FRMD5: variants seen among roughly 807,000 people sequenced by gnomAD.
The protein encoded by FRMD5 is FERM domain containing 5, also known as FERM domain-containing protein 5.
A neutral mutation model predicts 69.0 loss-of-function variants in FRMD5; 20 were observed. That is an observed-to-expected ratio of 0.29 (90% CI 0.20 to 0.42). The LOEUF (loss-of-function observed/expected upper bound fraction) is 0.42. Ranked by LOEUF, FRMD5 falls within the 10% of genes least tolerant of loss-of-function variation. The pLI is 1.00. For synonymous variants in FRMD5, 271 were observed against 260.1 expected (o/e 1.04, Z -0.40); for missense variants, 595 against 708.6 (o/e 0.84, Z 1.82).
intron 1 of FRMD5, among the ~76,000 whole-genome samples, chr15:44,099,072 G>A (rs994624155): frequency 6.6e-6 from 1 of 152,116 alleles, no homozygotes; most frequent in African/African-American, 2.4e-5. Flanking sequence ...GGTGTTACAT[G>A]GTTTCTGCAT....
At position 44,179,551 on chromosome 15, in the gene FRMD5, T is replaced by C. The variant is rs2077959463; in HGVS notation, c.102+15402A>G. 2.6e-5 allele frequency among the ~76,000 whole-genome samples: 4 copies of C among 152,314 alleles called. No individual in the cohort carries two copies. In the South Asian group the frequency reaches 8.3e-4, roughly 32 times the overall value. The stretch of plus-strand genomic sequence containing the variant: ...GTGTTCTGCAAACTCAAAGACCAGA[T>C]CATAGATGGAAGCAGTCACCAAGCT... On this transcript the variant is annotated intron_variant, in intron 1 of 13. Transcript: ENST00000417257.
At chr15:43,976,139 A>G (rs1234456857) in intron 1 of FRMD5, among the ~76,000 whole-genome samples, 1 of 151,828 alleles carries the variant, frequency 6.6e-6, no homozygotes, top group Non-Finnish European at 1.5e-5. Context: ...CTTAAAGTGG[A>G]TCATAGACCA....
chr15:43,965,502 A>G (rs562954852), intron 1 of FRMD5, among the ~76,000 whole-genome samples: 1 of 152,260 alleles, frequency 6.6e-6, no homozygotes, highest in East Asian at 1.9e-4. Flanking sequence ...TATGTGTAAC[A>G]AGTAAGACTG....
intron 1 of FRMD5, among the ~76,000 whole-genome samples, chr15:44,140,355 C>A (rs2077250956): frequency 6.6e-6 from 1 of 151,882 alleles, no homozygotes; most frequent in Non-Finnish European, 1.5e-5. Context: ...AATACTAAAA[C>A]TGAACAACAA....
rs1192715311 is a variant in FRMD5 at position 44,059,099 on chromosome 15, G to T, written c.103-134790C>A. On this transcript the variant is annotated intron_variant, in intron 1 of 13. Transcript: ENST00000417257. ...AAATGCAAGATGACACATTTGGTGTGAAGAACCCTCAACTAGCATCAATCA... is the reference window on the plus strand; with the variant it reads ...AAATGCAAGATGACACATTTGGTGTTAAGAACCCTCAACTAGCATCAATCA... Among the ~76,000 whole-genome samples, 3 of 152,180 alleles carry T rather than the reference G, an allele frequency of 2.0e-5. No homozygotes were observed. The East Asian group carries it at 5.8e-4, about 29-fold the overall frequency.
At chr15:44,015,756 T>C (rs969865169) in intron 1 of FRMD5, among the ~76,000 whole-genome samples, 3 of 152,188 alleles carry the variant, frequency 2.0e-5, no homozygotes, top group Admixed American at 2.0e-4. Context: ...AAAATGTTCA[T>C]TAAATGAGAA....
At chr15:44,110,266 T>C (rs914304953) in intron 1 of FRMD5, among the ~76,000 whole-genome samples, 1 of 152,102 alleles carries the variant, frequency 6.6e-6, no homozygotes, top group African/African-American at 2.4e-5. Context: ...ATTTATAGCT[T>C]ACTACAGCCT....
chr15:44,089,707 A>C (rs953927027), intron 1 of FRMD5, among the ~76,000 whole-genome samples: 1 of 152,006 alleles, frequency 6.6e-6, no homozygotes, highest in African/African-American at 2.4e-5. Context: ...TACGTCAAAA[A>C]AAAAGTTGGT....
Position 43,902,162 on chromosome 15 carries a change from C to G in FRMD5, c.639+13G>C, listed in dbSNP as rs570051182. The G allele has an allele frequency of 1.9e-6, 3 of 1,606,180 alleles. No individual in the cohort carries two copies. Among genetic ancestry groups the G allele is most frequent in the East Asian group, 4.5e-5 (2 of 44,846 alleles). On this transcript the variant is annotated intron_variant, in intron 7 of 13. Transcript: ENST00000417257. Reference sequence around the variant, plus strand: ...GAGGAAAGGTCATGCAGTCTCCAACCAGGGGGTCTTACCTTACATGGGTGA... The same window carrying G: ...GAGGAAAGGTCATGCAGTCTCCAACGAGGGGGTCTTACCTTACATGGGTGA...
At chr15:43,892,102 G>T in intron 7 of FRMD5, 33 bp from the exon 8 acceptor site, 1 of 1,590,762 alleles carries the variant, frequency 6.3e-7, no homozygotes, top group Non-Finnish European at 8.6e-7. Context: ...ATCGGGTGAT[G>T]CAGGCACAGA....
chr15:44,110,990 A>G (rs1332374238), intron 1 of FRMD5, among the ~76,000 whole-genome samples: 2 of 152,220 alleles, frequency 1.3e-5, no homozygotes, highest in Non-Finnish European at 2.9e-5. Context: ...ACTCTATTAT[A>G]ATGCTACTTC....
At chr15:43,895,079 C>A (rs763310305) in intron 7 of FRMD5, among the ~76,000 whole-genome samples, 1 of 152,098 alleles carries the variant, frequency 6.6e-6, no homozygotes, top group Non-Finnish European at 1.5e-5. Flanking sequence ...CCACCACACC[C>A]GGCCTGTGTT....
chr15:43,977,304 C>G (rs1454337965), intron 1 of FRMD5, among the ~76,000 whole-genome samples: 1 of 152,086 alleles, frequency 6.6e-6, no homozygotes, highest in Non-Finnish European at 1.5e-5. Context: ...AACACTGTCA[C>G]TAAGGTAGGA....
At chr15:44,171,821 C>T (rs1294511181) in intron 1 of FRMD5, among the ~76,000 whole-genome samples, 4 of 152,158 alleles carry the variant, frequency 2.6e-5, no homozygotes, top group South Asian at 2.1e-4. Flanking sequence ...TGGAGCACAG[C>T]GGCGTGATCT....
chr15:44,120,684 A>G (rs971504277), intron 1 of FRMD5, among the ~76,000 whole-genome samples: 11 of 107,408 alleles, frequency 1.0e-4, no homozygotes, highest in African/African-American at 3.0e-4. Context: ...CACCACGCCC[A>G]GCTAATTTTT....
chr15:43,891,884 C>A, intron 8 of FRMD5, 97 bp downstream of exon 8: 1 of 985,658 alleles, frequency 1.0e-6, no homozygotes, highest in Non-Finnish European at 1.6e-6. Flanking sequence ...GGGCTCTGAA[C>A]CAGAACTGCC....
chr15:44,031,413 T>A (rs1233968285), intron 1 of FRMD5, among the ~76,000 whole-genome samples: 1 of 152,210 alleles, frequency 6.6e-6, no homozygotes, highest in Non-Finnish European at 1.5e-5. Flanking sequence ...TTTCTCATAG[T>A]TCTGGAGGCT....
intron 1 of FRMD5, among the ~76,000 whole-genome samples, chr15:44,007,728 C>T (rs562058517): frequency 1.2e-4 from 16 of 136,032 alleles, no homozygotes; most frequent in African/African-American, 4.0e-4. Context: ...TCACCGCAAC[C>T]TCCATCTCCC....
intron 1 of FRMD5, among the ~76,000 whole-genome samples, chr15:44,054,348 C>T (rs1188556197): frequency 6.6e-6 from 1 of 152,224 alleles, no homozygotes; most frequent in Non-Finnish European, 1.5e-5. Flanking sequence ...ATCGTCCGCT[C>T]TCCAGAGCCA....
Sources: gnomAD v4.1 joint callset for allele counts (sites outside exome capture counted in the v4.1 genomes callset) on GRCh38, gnomAD v4.1.1 for gene constraint, MANE v1.5 for transcripts, NCBI Gene and HGNC (gene_info 2026-07-23, HGNC 2026-07-21) for gene names.